Variants in LAIR1 observed in about 807,000 individuals in gnomAD.
LAIR1 encodes leukocyte-associated immunoglobulin-like receptor 1.
LAIR1 carries 24 observed loss-of-function variants against 32.8 expected under a neutral mutation model. The ratio of observed to expected loss-of-function variants is 0.73; its 90% CI spans 0.53 to 1.03. LAIR1 has a LOEUF of 1.03. Ranked by LOEUF, LAIR1 falls within the 50% of genes least tolerant of loss-of-function variation. The pLI, the probability that LAIR1 is intolerant of heterozygous loss-of-function variation, is 0.00. For synonymous variants in LAIR1, 150 were observed against 140.5 expected (o/e 1.07, Z -0.48); for missense variants, 355 against 347.5 (o/e 1.02, Z -0.17).
At chr19:54,367,618 C>T (rs1181466477), upstream of LAIR1, among the ~76,000 whole-genome samples, 5 of 150,156 alleles carry the variant, frequency 3.3e-5, no homozygotes, top group African/African-American at 7.3e-5. Context: ...TGGTGGTGGG[C>T]GCCTGTAGTC....
At chr19:54,375,591 G>A in the LAIR1 span, among the ~76,000 whole-genome samples, 1 of 152,170 alleles carries the variant, frequency 6.6e-6, no homozygotes, top group Non-Finnish European at 1.5e-5. Context: ...GGGTGTGGAG[G>A]GGGAATCTGA....
chr19:54,356,910 A>G lies in LAIR1; in HGVS notation c.454+18T>C. On this transcript the variant is annotated intron_variant, in intron 5 of 9. Coordinates refer to ENST00000391742, the MANE Select transcript of LAIR1 (RefSeq NM_002287.6). Reference sequence around the variant, plus strand: ...GAGGCACACACCAGCTTCATGCTCCACGGCCCCCATCACTCACGCTCATTG... The same window carrying G: ...GAGGCACACACCAGCTTCATGCTCCGCGGCCCCCATCACTCACGCTCATTG... 6.2e-7 allele frequency: 1 copy of G among 1,613,744 alleles called. No homozygotes were observed. Among genetic ancestry groups the G allele is most frequent in the Non-Finnish European group, 8.5e-7 (1 of 1,179,854 alleles).
At position 54,351,537 on chromosome 19, in the gene LAIR1, A is replaced by C. The variant is rs2081531402; in HGVS notation, c.*3731T>G. 6.6e-6 allele frequency: 1 copy of C among 152,200 alleles called. No homozygotes were observed. Among genetic ancestry groups the C allele is most frequent in the African/African-American group, 2.4e-5 (1 of 41,446 alleles). The allele number at this position is 152,200 out of a possible 1,614,324, so 9.4% of individuals were successfully genotyped here. A position where few individuals can be genotyped will look rare whatever the true frequency, so the allele number is the denominator to read the frequency against. On this transcript the variant is annotated 3_prime_UTR_variant, in exon 10 of 10. Coordinates refer to ENST00000391742, the MANE Select transcript of LAIR1 (RefSeq NM_002287.6). ...ACAAGAAAGGAGATTAAGGTGTAGA[A>C]TTTTACACTCATCACAGAAAGTTTT...
upstream of LAIR1, among the ~76,000 whole-genome samples, chr19:54,366,711 A>C (rs187058780): frequency 2.1e-3 from 319 of 152,118 alleles, 5 homozygotes; most frequent in South Asian, 0.01. Flanking sequence ...GATGGTCTCG[A>C]TCTCCTGACC....
the LAIR1 span, among the ~76,000 whole-genome samples, chr19:54,375,812 T>G: frequency 6.6e-6 from 1 of 151,880 alleles, no homozygotes; most frequent in Admixed American, 6.6e-5. Context: ...TCAACGGACC[T>G]CACAGTCTAA....
chr19:54,356,512 G>A lies in LAIR1; in HGVS notation c.562C>T (p.Arg188Cys), dbSNP rs113241416. 8.1e-6 allele frequency: 13 copies of A among 1,613,850 alleles called. No individual in the cohort carries two copies. The highest frequency in any genetic ancestry group is 6.7e-5 in the African/African-American group (5 of 74,840). Residue 188 changes from arginine (R) to cysteine (C), a missense_variant, in exon 6 of 10, where the codon CGC (arginine) becomes TGC (cysteine). Coordinates refer to ENST00000391742, the MANE Select transcript of LAIR1 (RefSeq NM_002287.6). ...LLLLVLFCLH[R>C]QNQIKQGPPR... The stretch of plus-strand genomic sequence containing the variant: ...CTACCCTGCTTTATCTGATTCTGGC[G>A]ATGGAGGCAGAAGAGGACCAGGAGG...
Position 54,364,902 on chromosome 19 carries a change from C to T in LAIR1, c.-98G>A, listed in dbSNP as rs1387710869. On this transcript the variant is annotated 5_prime_UTR_variant, in exon 1 of 10. Transcript: ENST00000391742. The surrounding 1 kb of genome is among the most constrained non-coding windows in gnomAD (Gnocchi z 4.8). Reference sequence around the variant, plus strand: ...GCAGACAGGATGTGCTGCCCGGGGGCCTCCTGCCTATGGGGCTTCCACAGC... The same window carrying T: ...GCAGACAGGATGTGCTGCCCGGGGGTCTCCTGCCTATGGGGCTTCCACAGC... The T allele has an allele frequency of 1.2e-6, 2 of 1,607,464 alleles. No individual in the cohort carries two copies. Among genetic ancestry groups the T allele is most frequent in the Non-Finnish European group, 1.7e-6 (2 of 1,176,870 alleles).
exon 1 of LAIR1, chr19:54,370,342 C>G: frequency 7.1e-7 from 1 of 1,414,784 alleles, no homozygotes; most frequent in Non-Finnish European, 9.6e-7. Flanking sequence ...ATAGGATTCC[C>G]GACCTGTGCC....
rs374301465 is a variant in LAIR1, at chr19:54,364,251, G to C, written c.70+44C>G. ...CACTCCCACCCAGCACTGCCCTTGG[G>C]GTGACAGAGGGGACTGGGAAGATGG... On this transcript the variant is annotated intron_variant, in intron 2 of 9. Transcript: ENST00000391742. The surrounding 1 kb of genome is among the most constrained non-coding windows in gnomAD (Gnocchi z 4.8). 1.4e-5 allele frequency: 23 copies of C among 1,591,610 alleles called. No homozygotes were observed. In the African/African-American group the frequency reaches 3.1e-4, roughly 21 times the overall value.
Position 54,364,270 on chromosome 19 carries a change from A to C in LAIR1, c.70+25T>G. On this transcript the variant is annotated intron_variant, in intron 2 of 9. Transcript: ENST00000391742. This position sits in a 1 kb window ranked among gnomAD's most constrained non-coding sequence, Gnocchi z 4.8. ...CCTTGGGGTGACAGAGGGGACTGGGAAGATGGGACGAAGGCATGACTTACC... is the reference window on the plus strand; with the variant it reads ...CCTTGGGGTGACAGAGGGGACTGGGCAGATGGGACGAAGGCATGACTTACC... The C allele has an allele frequency of 1.2e-6, 2 of 1,607,292 alleles. No homozygotes were observed. Among genetic ancestry groups the C allele is most frequent in the Non-Finnish European group, 1.7e-6 (2 of 1,174,444 alleles).
At chr19:54,371,999 A>G (rs1050669013), upstream of LAIR1, among the ~76,000 whole-genome samples, 4 of 151,592 alleles carry the variant, frequency 2.6e-5, no homozygotes, top group Non-Finnish European at 5.9e-5. Context: ...TTAGCATGGG[A>G]TAATATTCCA....
chr19:54,369,963 T>C (rs1185577612), intron 1 of LAIR1, among the ~76,000 whole-genome samples: 1 of 148,862 alleles, frequency 6.7e-6, no homozygotes, highest in Non-Finnish European at 1.5e-5. Flanking sequence ...TAAACCCCGG[T>C]CCTCACAGTT....
upstream of LAIR1, among the ~76,000 whole-genome samples, chr19:54,372,729 C>G (rs1569214483): frequency 6.6e-6 from 1 of 150,570 alleles, no homozygotes; most frequent in Non-Finnish European, 1.5e-5. Flanking sequence ...ACCTCGTGAT[C>G]TGCCCACCTC....
upstream of LAIR1, among the ~76,000 whole-genome samples, chr19:54,369,193 C>G (rs548705169): frequency 2.6e-5 from 4 of 151,320 alleles, no homozygotes; most frequent in South Asian, 8.4e-4. Flanking sequence ...TGGATTTCAT[C>G]ATCTTTCCAC....
At chr19:54,363,851 C>T (rs55747023) in intron 2 of LAIR1, among the ~76,000 whole-genome samples, 54,565 of 151,862 alleles carry the variant, frequency 0.36, 10,070 homozygotes, top group East Asian at 0.42. Context: ...GTAGCCAGGA[C>T]GAGTGAATTT....
At chr19:54,373,967 G>A (rs995686485), upstream of LAIR1, among the ~76,000 whole-genome samples, 1 of 152,186 alleles carries the variant, frequency 6.6e-6, no homozygotes, top group African/African-American at 2.4e-5. Context: ...GTCCAGAATT[G>A]TTGGCTATAA....
intron 4 of LAIR1, chr19:54,358,054 A>G (rs1275302343): frequency 6.8e-6 from 1 of 147,754 alleles, no homozygotes; most frequent in Non-Finnish European, 1.5e-5. Context: ...ACATATACAT[A>G]TAATTTAATG....
intron 2 of LAIR1, among the ~76,000 whole-genome samples, chr19:54,363,695 C>A (rs1216545884): frequency 6.6e-6 from 1 of 152,194 alleles, no homozygotes; most frequent in Admixed American, 6.5e-5. Flanking sequence ...ATAAGCCGGG[C>A]ACAGAAAGAC....
Position 54,364,777 on chromosome 19 carries a change from C to A in LAIR1, c.28G>T (p.Gly10Cys). Reference protein sequence around the residue: MSPHPTALLGLVLCLAQTIH... With the variant: MSPHPTALLCLVLCLAQTIH... Reference sequence around the variant, plus strand: ...GGCTGCCTCCAGGACTCACCTAGGCCCAGGAGGGCGGTGGGGTGGGGAGAC... The same window carrying A: ...GGCTGCCTCCAGGACTCACCTAGGCACAGGAGGGCGGTGGGGTGGGGAGAC... The change falls in exon 1 of 10, where the codon GGC becomes TGC. Residue 10 changes from glycine (G) to cysteine (C), a missense_variant. Coordinates refer to ENST00000391742, the MANE Select transcript of LAIR1 (RefSeq NM_002287.6). The surrounding 1 kb of genome is among the most constrained non-coding windows in gnomAD (Gnocchi z 4.8). 6.2e-7 allele frequency: 1 copy of A among 1,613,946 alleles called. No homozygotes were observed. The highest frequency in any genetic ancestry group is 1.1e-5 in the South Asian group (1 of 91,066).
Sources: gnomAD v4.1 joint callset for allele counts (sites outside exome capture counted in the v4.1 genomes callset) on GRCh38, gnomAD v4.1.1 for gene constraint, Gnocchi (gnomAD v3.1) non-coding constraint, MANE v1.5 for transcripts, NCBI Gene and HGNC (gene_info 2026-07-23, HGNC 2026-07-21) for gene names.